The following NRG2 variants were observed in gnomAD, a reference collection of about 807,000 sequenced individuals.
NRG2 encodes the protein neuregulin 2.
A neutral mutation model predicts 73.9 loss-of-function variants in NRG2; 27 were observed. The observed-to-expected ratio is 0.37, with a 90% CI of 0.27 to 0.50. The LOEUF (loss-of-function observed/expected upper bound fraction) is 0.50. NRG2 is among the 20% of genes least tolerant of loss of function. The pLI is 0.96. For synonymous variants in NRG2, 532 were observed against 541.0 expected (o/e 0.98, Z 0.23); for missense variants, 1,126 against 1,210.1 (o/e 0.93, Z 1.03).
intron 5 of NRG2, among the ~76,000 whole-genome samples, chr5:139,864,580 A>G (rs1440840441): frequency 6.6e-6 from 1 of 151,170 alleles, no homozygotes; most frequent in Non-Finnish European, 1.5e-5. Context: ...CTCTCCCACC[A>G]TCCTGTAGCC....
chr5:139,938,937 GA>G (rs1382387114), intron 1 of NRG2, among the ~76,000 whole-genome samples: 4 of 114,614 alleles, frequency 3.5e-5, no homozygotes, highest in African/African-American at 1.0e-4. Context: ...AAGAAAGAAA[GA>G]AAGAAAGAAA....
Position 139,851,590 on chromosome 5 carries a change from G to A in NRG2, c.1772+14C>T. 2 of 1,611,438 alleles carry A rather than the reference G, an allele frequency of 1.2e-6. No homozygotes were observed. Among genetic ancestry groups the A allele is most frequent in the Non-Finnish European group, 1.7e-6 (2 of 1,177,884 alleles). On this transcript the variant is annotated intron_variant, in intron 9 of 9. Transcript: ENST00000361474. The surrounding 1 kb of genome is among the most constrained non-coding windows in gnomAD (Gnocchi z 4.2). ...CTGGCTAAGCGGGGAATAGGTCAGG[G>A]GGTAGGAACTGACCTCTCGCTGTGT... is the stretch of plus-strand genomic sequence containing the variant.
At chr5:139,934,453 T>C (rs1752698229) in intron 1 of NRG2, among the ~76,000 whole-genome samples, 1 of 152,064 alleles carries the variant, frequency 6.6e-6, no homozygotes, top group South Asian at 2.1e-4. Context: ...AAGTTGAACA[T>C]GTATGCCATA....
chr5:140,000,659 C>T (rs1445105905), intron 1 of NRG2, among the ~76,000 whole-genome samples: 1 of 152,240 alleles, frequency 6.6e-6, no homozygotes, highest in African/African-American at 2.4e-5. Context: ...CCTTCCTGCA[C>T]TCTGTCGGCT....
intron 1 of NRG2, among the ~76,000 whole-genome samples, chr5:139,912,802 G>T (rs1750934679): frequency 2.0e-5 from 3 of 152,214 alleles, no homozygotes; most frequent in African/African-American, 7.2e-5. Context: ...TCTTCTGGTG[G>T]TTCCTGGGGA....
chr5:139,986,943 A>T (rs1465594000), intron 1 of NRG2, among the ~76,000 whole-genome samples: 1 of 152,108 alleles, frequency 6.6e-6, no homozygotes, highest in Non-Finnish European at 1.5e-5. Flanking sequence ...CTCAGAAAAA[A>T]ATCCCAGGTT....
intron 1 of NRG2, among the ~76,000 whole-genome samples, chr5:139,946,928 C>A (rs1753835664): frequency 6.6e-6 from 1 of 151,800 alleles, no homozygotes; most frequent in Non-Finnish European, 1.5e-5. Flanking sequence ...AGATGCTTAA[C>A]ATCACTAATC....
intron 1 of NRG2, among the ~76,000 whole-genome samples, chr5:139,968,708 C>CCAACAAG (rs1243873355): frequency 6.6e-6 from 1 of 152,206 alleles, no homozygotes; most frequent in Non-Finnish European, 1.5e-5. Flanking sequence ...GGACACTACT[C>CCAACAAG]CAACAAGCAA....
At chr5:139,884,409 A>C (rs1489063527) in intron 2 of NRG2, among the ~76,000 whole-genome samples, 2 of 152,176 alleles carry the variant, frequency 1.3e-5, no homozygotes, top group East Asian at 3.9e-4. Flanking sequence ...AGCGGCCGAG[A>C]GTGTGGCAGT....
intron 4 of NRG2, among the ~76,000 whole-genome samples, chr5:139,866,081 G>T (rs1326330776): frequency 6.6e-6 from 1 of 152,070 alleles, no homozygotes; most frequent in Admixed American, 6.5e-5. Flanking sequence ...CTGGGCCCTG[G>T]GCAGGTTTTC....
Position 139,851,765 on chromosome 5 carries a change from G to A in NRG2, c.1611C>T (p.Ile537=). 6.2e-7 allele frequency: 1 copy of A among 1,614,270 alleles called. No homozygotes were observed. Among genetic ancestry groups the A allele is most frequent in the Non-Finnish European group, 8.5e-7 (1 of 1,180,048 alleles). ...TGCTGGTACCCACTGATGATAGCAT[G>A]ATCCCCGACTGGGAGTCAGAAGTCA... ...ESLTSDSQSG[I]MLSSVGTSKC... Residue 537 remains isoleucine, a synonymous_variant, in exon 9 of 10, where the codon ATC becomes ATT. Transcript: ENST00000361474. The surrounding 1 kb of genome is among the most constrained non-coding windows in gnomAD (Gnocchi z 4.2).
Position 139,855,747 on chromosome 5 carries a change from C to G in NRG2, c.1221G>C (p.Leu407=). 6.2e-7 allele frequency: 1 copy of G among 1,614,130 alleles called. No homozygotes were observed. ...KAEELYQKRV[L]TITGICVALL... is the part of the protein sequence containing the mutation. ...GAGCCACGCAGATGCCCGTGATGGTCAGGACCCTCTTCTGGTACAGCTCCT... is the reference window on the plus strand; with the variant it reads ...GAGCCACGCAGATGCCCGTGATGGTGAGGACCCTCTTCTGGTACAGCTCCT... The change falls in exon 6 of 10, where the codon CTG becomes CTC. Residue 407 remains leucine (L), a synonymous_variant. Coordinates refer to ENST00000361474, the MANE Select transcript of NRG2 (RefSeq NM_004883.3).
At chr5:140,015,564 A>G (rs941041131) in intron 1 of NRG2, among the ~76,000 whole-genome samples, 1 of 152,254 alleles carries the variant, frequency 6.6e-6, no homozygotes, top group African/African-American at 2.4e-5. Context: ...TGAATGAGGT[A>G]GGACTGGATC....
At chr5:140,005,152 G>A (rs939069048) in intron 1 of NRG2, among the ~76,000 whole-genome samples, 4 of 152,120 alleles carry the variant, frequency 2.6e-5, no homozygotes, top group Non-Finnish European at 5.9e-5. Context: ...TGAACTCCCT[G>A]GGGCCAAAAG....
chr5:139,850,327 C>T (rs757008999), intron 9 of NRG2, among the ~76,000 whole-genome samples: 11 of 152,230 alleles, frequency 7.2e-5, no homozygotes, highest in Admixed American at 2.6e-4. Context: ...CCAAATCACA[C>T]AGGTGGTGGA....
At chr5:139,961,613 G>T (rs1055484505) in intron 1 of NRG2, among the ~76,000 whole-genome samples, 48 of 152,262 alleles carry the variant, frequency 3.2e-4, no homozygotes, top group Admixed American at 1.2e-3. Context: ...GATGCTGCAG[G>T]TCCCTCCCTC....
At position 139,856,108 on chromosome 5, in the gene NRG2, T is replaced by C. The variant is rs962646252; in HGVS notation, c.1190-330A>G. The C allele has an allele frequency of 2.9e-6, 1 of 345,970 alleles. No homozygotes were observed. Among genetic ancestry groups the C allele is most frequent in the African/African-American group, 2.0e-5 (1 of 48,800 alleles). 21.4% of individuals were successfully genotyped at this position (345,970 alleles called of 1,614,324 possible). A position where few individuals can be genotyped will look rare whatever the true frequency, so the allele number is the denominator to read the frequency against. ...GGAGTGGAGGCAAAGCTCCCGAGGC[T>C]GTAGAGCAGGGGAGGACAGCTCAGT... On this transcript the variant is annotated intron_variant, in intron 5 of 9. Coordinates refer to ENST00000361474, the MANE Select transcript of NRG2 (RefSeq NM_004883.3). The surrounding 1 kb of genome is among the most constrained non-coding windows in gnomAD (Gnocchi z 4.2).
chr5:139,920,636 G>A (rs1350811346), intron 1 of NRG2, among the ~76,000 whole-genome samples: 2 of 152,182 alleles, frequency 1.3e-5, no homozygotes, highest in Non-Finnish European at 2.9e-5. Flanking sequence ...GACTCATAGA[G>A]TCAGAGAAGG....
chr5:139,978,025 T>C (rs1756506727), intron 1 of NRG2, among the ~76,000 whole-genome samples: 1 of 152,144 alleles, frequency 6.6e-6, no homozygotes, highest in Non-Finnish European at 1.5e-5. Flanking sequence ...ATTCAGGACA[T>C]AGACATGGGC....
Sources: gnomAD v4.1 joint callset for allele counts (sites outside exome capture counted in the v4.1 genomes callset) on GRCh38, gnomAD v4.1.1 for gene constraint, Gnocchi (gnomAD v3.1) non-coding constraint, MANE v1.5 for transcripts, NCBI Gene and HGNC (gene_info 2026-07-23, HGNC 2026-07-21) for gene names.